The following ORC5 variants were observed in gnomAD, a reference collection of about 807,000 sequenced individuals.
ORC5 encodes origin recognition complex subunit 5.
A neutral mutation model predicts 58.8 loss-of-function variants in ORC5; 39 were observed. The ratio of observed to expected loss-of-function variants is 0.66; its 90% CI spans 0.51 to 0.87. The LOEUF (loss-of-function observed/expected upper bound fraction) is 0.87. Among genes scored for constraint, ORC5 ranks in the 40% least tolerant of loss-of-function variants. The pLI is 0.00. For synonymous variants in ORC5, 218 were observed against 177.6 expected, an observed-to-expected ratio of 1.23 and a Z score of -1.81; for missense variants, 493 against 506.3, an observed-to-expected ratio of 0.97 and a Z score of 0.25.
At chr7:104,177,780 T>C (rs1022266016) in intron 8 of ORC5, among the ~76,000 whole-genome samples, 1 of 152,186 alleles carries the variant, frequency 6.6e-6, no homozygotes, top group Admixed American at 6.5e-5. Flanking sequence ...TGTCCATGTG[T>C]TCTCATTGTT....
rs760975572 is a variant in ORC5 at position 104,207,851 on chromosome 7, C to A, written c.54G>T (p.Leu18Phe). 6.2e-6 allele frequency: 10 copies of A among 1,614,056 alleles called. No individual in the cohort carries two copies. The highest frequency in any genetic ancestry group is 8.5e-6 in the Non-Finnish European group (10 of 1,180,014). The change falls in exon 1 of 14, where the codon TTG becomes TTT. Residue 18 changes from leucine (L) to phenylalanine (F), a missense_variant. Leu to Phe is a conservative substitution (Grantham distance 22). This residue lies in a region of ORC5 where 412 missense variants were observed against 403.7 expected (regional missense o/e 1.02). Coordinates refer to ENST00000297431, the MANE Select transcript of ORC5 (RefSeq NM_002553.4). ...VLCRESQVSI[L>F]QSLFGERHHF... is the part of the protein sequence containing the mutation. ...ACAATACCTCTCCAAACAAGGACTG[C>A]AAGATGGACACTTGAGACTCGCGAC...
At chr7:104,128,443 T>A (rs1400585768) in intron 13 of ORC5, among the ~76,000 whole-genome samples, 1 of 152,046 alleles carries the variant, frequency 6.6e-6, no homozygotes, top group Non-Finnish European at 1.5e-5. Context: ...TTTTAAAAAA[T>A]CGTGATACTG....
chr7:104,163,819 T>C (rs2115861118), intron 11 of ORC5, among the ~76,000 whole-genome samples: 1 of 152,354 alleles, frequency 6.6e-6, no homozygotes, highest in South Asian at 2.1e-4. Context: ...CAAGCATAGC[T>C]AGTCTATCCT....
intron 5 of ORC5, among the ~76,000 whole-genome samples, chr7:104,192,623 T>A (rs1799700546): frequency 1.3e-5 from 2 of 152,044 alleles, no homozygotes; most frequent in African/African-American, 4.8e-5. Context: ...GCACAATGTC[T>A]ATAATTCTAT....
At chr7:104,141,622 A>C (rs983920516) in intron 12 of ORC5, among the ~76,000 whole-genome samples, 4 of 152,190 alleles carry the variant, frequency 2.6e-5, no homozygotes, top group African/African-American at 9.6e-5. Flanking sequence ...AGAACTAATA[A>C]ATGCTTTCAG....
At position 104,183,916 on chromosome 7, in the gene ORC5, T is replaced by C. The variant is rs369861074; in HGVS notation, c.824+27A>G. On this transcript the variant is annotated intron_variant, in intron 8 of 13. Transcript: ENST00000297431. ...ATATCCCAAATAAAGATATAAAAAC[T>C]AGTATGCATACTAAATAGAAAATTA... The C allele has an allele frequency of 1.6e-4, 229 of 1,394,004 alleles. 2 individuals are homozygous for C. In the African/African-American group the frequency reaches 3.2e-3, roughly 19 times the overall value. 86.4% of individuals were successfully genotyped at this position (1,394,004 alleles called of 1,614,324 possible). A position where few individuals can be genotyped will look rare whatever the true frequency, so the allele number is the denominator to read the frequency against.
At chr7:104,188,215 C>T (rs1407264298) in intron 6 of ORC5, 36 bp downstream of exon 6, 5 of 1,440,792 alleles carry the variant, frequency 3.5e-6, no homozygotes, top group African/African-American at 2.8e-5. Flanking sequence ...CACACACACA[C>T]ACATATATAT....
chr7:104,141,971 T>C (rs1362559360), intron 12 of ORC5, among the ~76,000 whole-genome samples: 1 of 152,168 alleles, frequency 6.6e-6, no homozygotes, highest in African/African-American at 2.4e-5. Context: ...GGTATCACAA[T>C]TCCTTATTTC....
chr7:104,133,387 G>A lies in ORC5; in HGVS notation c.1262+3394C>T, dbSNP rs759184035. ...GGACTAATGGTTAAATATTAGGAGT[G>A]GGGGAGAGAGAGATGTCAAGAAGGA... On this transcript the variant is annotated intron_variant, in intron 13 of 13. Transcript: ENST00000297431. This position sits in a 1 kb window ranked among gnomAD's most constrained non-coding sequence, Gnocchi z 4.7. Among the ~76,000 whole-genome samples, 1 of 152,032 alleles carries A rather than the reference G, an allele frequency of 6.6e-6. No homozygotes were observed. Among genetic ancestry groups the A allele is most frequent in the African/African-American group, 2.4e-5 (1 of 41,350 alleles).
intron 4 of ORC5, 117 bp downstream of exon 4, chr7:104,197,608 A>C (rs1396660609): frequency 1.6e-6 from 1 of 621,138 alleles, no homozygotes; most frequent in Non-Finnish European, 2.7e-6. Flanking sequence ...AAAGAAATGC[A>C]AACTAAAATT....
intron 9 of ORC5, among the ~76,000 whole-genome samples, chr7:104,167,794 G>C (rs1799133071): frequency 6.6e-6 from 1 of 152,092 alleles, no homozygotes; most frequent in Non-Finnish European, 1.5e-5. Context: ...CAGATAGAAA[G>C]TAGTGCAAAT....
chr7:104,173,595 T>C (rs1456976634), intron 8 of ORC5, among the ~76,000 whole-genome samples: 1 of 152,216 alleles, frequency 6.6e-6, no homozygotes. Flanking sequence ...TGGAAGCTCC[T>C]GAATTCATTC....
chr7:104,128,753 C>G (rs1436390009), intron 13 of ORC5, among the ~76,000 whole-genome samples: 1 of 145,852 alleles, frequency 6.9e-6, no homozygotes, highest in Non-Finnish European at 1.5e-5. Context: ...TCAGTTCCCA[C>G]CTATAGACTA....
chr7:104,173,872 T>G (rs1799265133), intron 8 of ORC5, among the ~76,000 whole-genome samples: 1 of 128,882 alleles, frequency 7.8e-6, no homozygotes, highest in Non-Finnish European at 1.6e-5. Context: ...TGAGACGGAG[T>G]CTCGCTCTGT....
chr7:104,179,974 T>C (rs960951611), intron 8 of ORC5, among the ~76,000 whole-genome samples: 3 of 152,232 alleles, frequency 2.0e-5, no homozygotes, highest in Admixed American at 2.0e-4. Context: ...TCTAAAATGT[T>C]TGTCTTGATG....
At position 104,163,694 on chromosome 7, in the gene ORC5, T is replaced by C. The variant is rs549119760; in HGVS notation, c.1038+1541A>G. 2.3e-4 allele frequency among the ~76,000 whole-genome samples: 35 copies of C among 152,252 alleles called. No homozygotes were observed. In the South Asian group the frequency reaches 6.6e-3, roughly 29 times the overall value. On this transcript the variant is annotated intron_variant, in intron 11 of 13. Transcript: ENST00000297431. The stretch of plus-strand genomic sequence containing the variant: ...TTTTAGTAGAGCCGGGGTTTCACCA[T>C]GTTAGCCAGAATGGTCTCGACCTCC...
intron 8 of ORC5, among the ~76,000 whole-genome samples, chr7:104,175,516 G>A (rs1342583756): frequency 2.0e-5 from 3 of 152,142 alleles, no homozygotes; most frequent in Non-Finnish European, 4.4e-5. Context: ...ACATTTTCTG[G>A]AAATGTAAAT....
chr7:104,153,501 A>G (rs1798878097), intron 12 of ORC5, among the ~76,000 whole-genome samples: 1 of 152,178 alleles, frequency 6.6e-6, no homozygotes, highest in Admixed American at 6.6e-5. Context: ...GTTGTTGTTA[A>G]GAAAAAAACA....
chr7:104,194,221 TA>T (rs928444481), intron 5 of ORC5, among the ~76,000 whole-genome samples: 13 of 151,018 alleles, frequency 8.6e-5, no homozygotes, highest in South Asian at 4.2e-4. Flanking sequence ...GGTTGCTGTT[TA>T]AAAAAAAACT....
Sources: gnomAD v4.1 joint callset for allele counts (sites outside exome capture counted in the v4.1 genomes callset) on GRCh38, gnomAD v4.1.1 for gene constraint, gnomAD v4.1.1 regional missense constraint, Gnocchi (gnomAD v3.1) non-coding constraint, MANE v1.5 for transcripts, NCBI Gene and HGNC (gene_info 2026-07-23, HGNC 2026-07-21) for gene names.